Variants in PCDHGB4 observed in about 807,000 individuals in gnomAD.
PCDHGB4 encodes the protein protocadherin gamma-B4.
In PCDHGB4, 38 loss-of-function variants were observed where a neutral mutation model predicts 60.5. The ratio of observed to expected loss-of-function variants is 0.63; its 90% CI spans 0.48 to 0.82. The LOEUF (loss-of-function observed/expected upper bound fraction) is 0.82, where lower values mean the gene tolerates loss of function less well. Among genes scored for constraint, PCDHGB4 ranks in the 40% least tolerant of loss-of-function variants. The pLI is 0.00. For synonymous variants in PCDHGB4, 456 were observed against 509.7 expected (o/e 0.89, Z 1.42); for missense variants, 1,109 against 1,209.6 (o/e 0.92, Z 1.23).
At chr5:141,467,704 C>T (rs2099149502) in intron 1 of PCDHGB4, among the ~76,000 whole-genome samples, 2 of 152,174 alleles carry the variant, frequency 1.3e-5, no homozygotes. Flanking sequence ...CTCTGTTGCC[C>T]AGGCTGGAGT....
intron 1 of PCDHGB4, chr5:141,404,365 C>A: frequency 6.2e-7 from 1 of 1,613,936 alleles, no homozygotes; most frequent in South Asian, 1.1e-5. Context: ...GTACTTCCAT[C>A]TTCTCCGTGA....
At chr5:141,429,378 T>G (rs890583768) in intron 1 of PCDHGB4, among the ~76,000 whole-genome samples, 3 of 105,336 alleles carry the variant, frequency 2.8e-5, no homozygotes, top group African/African-American at 5.2e-5. Flanking sequence ...AGAAAATGTG[T>G]TTTTTTTTTA....
chr5:141,467,535 G>C (rs2099145685), intron 1 of PCDHGB4, among the ~76,000 whole-genome samples: 1 of 152,176 alleles, frequency 6.6e-6, no homozygotes, highest in South Asian at 2.1e-4. Flanking sequence ...GCTGAGATAT[G>C]GATCTGATTA....
In PCDHGB4 at chr5:141,388,471, T is replaced by C. The variant is rs758013989; in HGVS notation, c.587T>C (p.Leu196Ser). The C allele has an allele frequency of 6.2e-7, 1 of 1,613,844 alleles. No individual in the cohort carries two copies. The highest frequency in any genetic ancestry group is 1.1e-5 in the South Asian group (1 of 91,074). The change falls in exon 1 of 4, where the codon TTG becomes TCG. Residue 196 changes from leucine to serine, a missense_variant. Leu to Ser is a moderately radical substitution (Grantham distance 145). This residue lies in a region of PCDHGB4 where 1,068 missense variants were observed against 1,089.9 expected (regional missense o/e 0.98). Coordinates refer to ENST00000519479, the MANE Select transcript of PCDHGB4 (RefSeq NM_003736.4). ...SDGSKYPEMV[L>S]KTPLDREKQK... Reference sequence around the variant, plus strand: ...GGCAGTAAATACCCTGAGATGGTATTGAAGACACCTTTGGACAGAGAAAAG... The same window carrying C: ...GGCAGTAAATACCCTGAGATGGTATCGAAGACACCTTTGGACAGAGAAAAG...
chr5:141,438,625 TATATATATATACACAC>T (rs1232816129), intron 1 of PCDHGB4, among the ~76,000 whole-genome samples: 1,472 of 46,190 alleles, frequency 0.032, 16 homozygotes, highest in African/African-American at 0.13. Context: ...TATATATATA[TATATATATATACACAC>T]ACACACACAC....
In PCDHGB4 at chr5:141,491,942, C is replaced by A; in HGVS notation, c.2398-2865C>A. The A allele has an allele frequency of 8.9e-7, 1 of 1,122,490 alleles. No individual in the cohort carries two copies. The highest frequency in any genetic ancestry group is 1.2e-6 in the Non-Finnish European group (1 of 824,374). 69.5% of individuals were successfully genotyped at this position (1,122,490 alleles called of 1,614,324 possible). The stretch of plus-strand genomic sequence containing the variant: ...GGCGAGGGGAGGTGGGACCGACCCC[C>A]ACCCCTACACTCAAAAAAGGCCGGG... On this transcript the variant is annotated intron_variant, in intron 1 of 3. Transcript: ENST00000519479. The surrounding 1 kb of genome is among the most constrained non-coding windows in gnomAD (Gnocchi z 6.9).
chr5:141,423,816 T>C lies in PCDHGB4; in HGVS notation c.2397+33535T>C, dbSNP rs1205974775. ...TTAGAGCAATACATGTGAGTTTTACTTTGCCTTTCATGAGATTACGATAAT... is the reference window on the plus strand; with the variant it reads ...TTAGAGCAATACATGTGAGTTTTACCTTGCCTTTCATGAGATTACGATAAT... On this transcript the variant is annotated intron_variant, in intron 1 of 3. Transcript: ENST00000519479. 3 of 1,273,904 alleles carry C rather than the reference T, an allele frequency of 2.4e-6. No individual in the cohort carries two copies. The African/African-American group carries it at 4.7e-5, about 20-fold the overall frequency. 78.9% of individuals were successfully genotyped at this position (1,273,904 alleles called of 1,614,324 possible).
intron 2 of PCDHGB4, 91 bp from the exon 3 acceptor site, chr5:141,505,302 G>T: frequency 6.3e-7 from 1 of 1,592,714 alleles, no homozygotes; most frequent in Non-Finnish European, 8.5e-7. Context: ...TAGGGTTAGG[G>T]TACTAGGTTT....
At chr5:141,422,769 T>C (rs1274700138) in intron 1 of PCDHGB4, 1 of 1,613,852 alleles carries the variant, frequency 6.2e-7, no homozygotes, top group Admixed American at 1.7e-5. Context: ...ACACTGGTGT[T>C]CTCTATGCCC....
chr5:141,431,603 C>T lies in PCDHGB4; in HGVS notation c.2397+41322C>T, dbSNP rs746243366. On this transcript the variant is annotated intron_variant, in intron 1 of 3. Coordinates refer to ENST00000519479, the MANE Select transcript of PCDHGB4 (RefSeq NM_003736.4). This position sits in a 1 kb window ranked among gnomAD's most constrained non-coding sequence, Gnocchi z 4.8. ...CAATGCGGAAGTGAGGTATTCCTTC[C>T]GGTATGTGGACGACAAGGCGGCCCA... is the stretch of plus-strand genomic sequence containing the variant. 1.1e-5 allele frequency: 17 copies of T among 1,614,212 alleles called. No individual in the cohort carries two copies. Among genetic ancestry groups the T allele is most frequent in the Non-Finnish European group, 1.4e-5 (16 of 1,180,044 alleles).
At chr5:141,391,576 T>A (rs1172672552) in intron 1 of PCDHGB4, 1 of 152,236 alleles carries the variant, frequency 6.6e-6, no homozygotes, top group Non-Finnish European at 1.5e-5. Flanking sequence ...AGAAAATATA[T>A]TCACAGGAAA....
In PCDHGB4 at chr5:141,398,897, C is replaced by A. The variant is rs761364649; in HGVS notation, c.2397+8616C>A. On this transcript the variant is annotated intron_variant, in intron 1 of 3. Coordinates refer to ENST00000519479, the MANE Select transcript of PCDHGB4 (RefSeq NM_003736.4). The stretch of plus-strand genomic sequence containing the variant: ...GTCAGCCTTCGGGAAAACGTGCCAC[C>A]AGGCACCACTGTGTTGCAAGTGTCA... 6 of 1,613,932 alleles carry A rather than the reference C, an allele frequency of 3.7e-6. No homozygotes were observed. The South Asian group carries it at 6.6e-5, about 18-fold the overall frequency.
At chr5:141,478,283 T>C (rs755297808) in intron 1 of PCDHGB4, 2 of 1,614,148 alleles carry the variant, frequency 1.2e-6, no homozygotes, top group South Asian at 2.2e-5. Context: ...GTGGAAGCAG[T>C]CTAGAGACCT....
chr5:141,387,782 A>G lies in PCDHGB4; in HGVS notation c.-103A>G, dbSNP rs145228594. 6.9e-3 allele frequency: 10,094 copies of G among 1,466,254 alleles called. 59 individuals are homozygous for G. The highest frequency in any genetic ancestry group is 8.3e-3 in the Non-Finnish European group (9,103 of 1,100,820). 90.8% of individuals were successfully genotyped at this position (1,466,254 alleles called of 1,614,324 possible). On this transcript the variant is annotated 5_prime_UTR_variant, in exon 1 of 4. Transcript: ENST00000519479. ...AAGAAGAATTTTTTCTTGAACTGGA[A>G]CTGCAACTAAAGTCCGTTCGGAGAT... is the stretch of plus-strand genomic sequence containing the variant.
intron 1 of PCDHGB4, chr5:141,413,097 C>T (rs531228946): frequency 1.4e-6 from 2 of 1,447,922 alleles, no homozygotes; most frequent in African/African-American, 1.4e-5. Flanking sequence ...CACCCTGAAG[C>T]CACAGAAAGA....
Position 141,421,742 on chromosome 5 carries a change from A to G in PCDHGB4, c.2397+31461A>G, listed in dbSNP as rs772984365. The stretch of plus-strand genomic sequence containing the variant: ...GGCGTGAACTCCCTCCAGAGCTACC[A>G]GCTCAGCCCTAATAATTACTTTTCC... On this transcript the variant is annotated intron_variant, in intron 1 of 3. Transcript: ENST00000519479. The G allele has an allele frequency of 4.3e-6, 7 of 1,613,826 alleles. No individual in the cohort carries two copies. The East Asian group carries it at 1.3e-4, about 31-fold the overall frequency.
At position 141,476,943 on chromosome 5, in the gene PCDHGB4, A is replaced by G. The variant is rs538990482; in HGVS notation, c.2398-17864A>G. On this transcript the variant is annotated intron_variant, in intron 1 of 3. Coordinates refer to ENST00000519479, the MANE Select transcript of PCDHGB4 (RefSeq NM_003736.4). This position sits in a 1 kb window ranked among gnomAD's most constrained non-coding sequence, Gnocchi z 7.6. ...GCAACGGATCTGGATGAAGGCCCCA[A>G]CGGTGAAATTATTTACTCCTTCGGC... 14 of 1,614,170 alleles carry G rather than the reference A, an allele frequency of 8.7e-6. No individual in the cohort carries two copies. Among genetic ancestry groups the G allele is most frequent in the South Asian group, 1.1e-5 (1 of 91,086 alleles).
intron 1 of PCDHGB4, chr5:141,478,308 T>A: frequency 6.2e-7 from 1 of 1,614,050 alleles, no homozygotes; most frequent in Non-Finnish European, 8.5e-7. Context: ...CGAGCCCCGG[T>A]GAGCTCACTG....
At chr5:141,506,668 C>A (rs2099855518) in intron 3 of PCDHGB4, among the ~76,000 whole-genome samples, 1 of 152,100 alleles carries the variant, frequency 6.6e-6, no homozygotes, top group Admixed American at 6.6e-5. Context: ...AGTAAGGGCA[C>A]AATATATTAT....
Sources: gnomAD v4.1 joint callset for allele counts (sites outside exome capture counted in the v4.1 genomes callset) on GRCh38, gnomAD v4.1.1 for gene constraint, gnomAD v4.1.1 regional missense constraint, Gnocchi (gnomAD v3.1) non-coding constraint, MANE v1.5 for transcripts, NCBI Gene and HGNC (gene_info 2026-07-23, HGNC 2026-07-21) for gene names.